The following RGS6 variants were observed in gnomAD, a reference collection of about 807,000 sequenced individuals.
RGS6 encodes regulator of G-protein signaling 6.
In RGS6, 30 loss-of-function variants were observed where a neutral mutation model predicts 78.5. That is an observed-to-expected ratio of 0.38 (90% CI 0.29 to 0.52). RGS6 has a LOEUF of 0.52. RGS6 is among the 20% of genes least tolerant of loss of function. The pLI is 0.85. For missense variants in RGS6, 495 were observed against 609.7 expected (o/e 0.81, Z 1.98); for synonymous variants, 206 against 206.0 (o/e 1.00, Z 0.00).
At chr14:72,575,878 C>T in the RGS6 span, among the ~76,000 whole-genome samples, 4 of 152,332 alleles carry the variant, frequency 2.6e-5, no homozygotes, top group South Asian at 6.2e-4. Flanking sequence ...AGCCCCAGAT[C>T]GACTTGCTTT....
intron 12 of RGS6, among the ~76,000 whole-genome samples, chr14:72,488,937 G>C (rs1247883453): frequency 1.3e-5 from 2 of 152,214 alleles, no homozygotes; most frequent in Non-Finnish European, 2.9e-5. Flanking sequence ...AAGCAAGAGG[G>C]AGGAGGGGAG....
intron 2 of RGS6, among the ~76,000 whole-genome samples, chr14:72,045,497 TC>T (rs993045692): frequency 1.3e-5 from 2 of 152,190 alleles, no homozygotes; most frequent in African/African-American, 4.8e-5. Context: ...TCTTTGGGAT[TC>T]CCTAAGAACT....
chr14:72,619,162 T>A, the RGS6 span: 4 of 852,764 alleles, frequency 4.7e-6, no homozygotes, highest in African/African-American at 3.4e-5. Context: ...GTTCCATGTG[T>A]CCCTGCCCCT....
chr14:72,626,314 C>T, the RGS6 span, among the ~76,000 whole-genome samples: 1 of 152,082 alleles, frequency 6.6e-6, no homozygotes, highest in South Asian at 2.1e-4. Flanking sequence ...CTCCCAGACC[C>T]GTGTAGGTAA....
At position 72,562,423 on chromosome 14, in the gene RGS6, T is replaced by C; in HGVS notation, c.1429T>C (p.Ser477Pro). 1.2e-6 allele frequency: 2 copies of C among 1,612,872 alleles called. No homozygotes were observed. The highest frequency in any genetic ancestry group is 1.7e-6 in the Non-Finnish European group (2 of 1,180,026). The change falls in exon 18 of 18, where the codon TCG (serine) becomes CCG (proline). Residue 477 changes from serine to proline, a missense_variant. Physicochemically the swap from Ser to Pro is moderately conservative, Grantham distance 74. Coordinates refer to ENST00000553525, the MANE Select transcript of RGS6 (RefSeq NM_001204424.2). Reference sequence around the variant, plus strand: ...TGTCGCTGTCTCTCTGCAGGGAAAGTCGCTGGCGGGCAAGCGCCTCACGGG... The same window carrying C: ...TGTCGCTGTCTCTCTGCAGGGAAAGCCGCTGGCGGGCAAGCGCCTCACGGG... ...LEKFTRSVGK[S>P]LAGKRLTGLM...
chr14:72,296,991 A>G (rs1020376831), intron 2 of RGS6, among the ~76,000 whole-genome samples: 6 of 152,160 alleles, frequency 3.9e-5, no homozygotes. Flanking sequence ...TTCTTTTTCC[A>G]CATGGCTATC....
chr14:72,415,547 T>G lies in RGS6; in HGVS notation c.185-38981T>G, dbSNP rs148429470. Among the ~76,000 whole-genome samples the G allele has an allele frequency of 7.9e-3, 1,202 of 152,338 alleles. 42 individuals are homozygous for G. The highest frequency in any genetic ancestry group is 0.052 in the East Asian group (269 of 5,172). On this transcript the variant is annotated intron_variant, in intron 3 of 17. Transcript: ENST00000553525. ...GCACGGTGCGCTGCACCCACTGTCC[T>G]GCACCCACTGTCCAGCACTACCCAG...
chr14:72,395,954 C>G (rs1289097544), intron 3 of RGS6, among the ~76,000 whole-genome samples: 1 of 152,048 alleles, frequency 6.6e-6, no homozygotes, highest in Non-Finnish European at 1.5e-5. Flanking sequence ...TGGCTTGGTT[C>G]CAAGTCTTTG....
At chr14:72,094,254 G>C (rs538968570) in intron 2 of RGS6, among the ~76,000 whole-genome samples, 6 of 152,330 alleles carry the variant, frequency 3.9e-5, no homozygotes, top group African/African-American at 1.4e-4. Flanking sequence ...CCCAGCTGCA[G>C]TGCCTGGAAC....
At chr14:71,918,366 T>C in the RGS6 span, among the ~76,000 whole-genome samples, 1 of 152,206 alleles carries the variant, frequency 6.6e-6, no homozygotes, top group Non-Finnish European at 1.5e-5. Flanking sequence ...AAAGGCTGCA[T>C]TCACCATTTA....
At chr14:71,931,412 T>C (rs917952399), upstream of RGS6, among the ~76,000 whole-genome samples, 4 of 152,130 alleles carry the variant, frequency 2.6e-5, no homozygotes, top group African/African-American at 7.2e-5. Flanking sequence ...TATTTGTCTA[T>C]TGAAGGAAAG....
At chr14:71,894,662 T>G in the RGS6 span, among the ~76,000 whole-genome samples, 1 of 152,178 alleles carries the variant, frequency 6.6e-6, no homozygotes, top group Admixed American at 6.5e-5. Flanking sequence ...ATCACAGTTT[T>G]GAGTGAACTT....
intron 10 of RGS6, among the ~76,000 whole-genome samples, chr14:72,475,850 ACAC>A (rs1451705943): frequency 7.5e-6 from 1 of 134,030 alleles, no homozygotes; most frequent in Non-Finnish European, 1.7e-5. Context: ...ACACACACAC[ACAC>A]TAGACATGGC....
intron 2 of RGS6, among the ~76,000 whole-genome samples, chr14:72,233,149 A>G (rs541013002): frequency 1.3e-5 from 2 of 152,178 alleles, no homozygotes; most frequent in Non-Finnish European, 2.9e-5. Flanking sequence ...CAGGTCCTTC[A>G]TCCTGTCCCA....
At chr14:72,019,489 GCA>G (rs1567032579) in intron 2 of RGS6, among the ~76,000 whole-genome samples, 1 of 152,202 alleles carries the variant, frequency 6.6e-6, no homozygotes. Flanking sequence ...GCAGATGGGT[GCA>G]CCATTAGCAC....
intron 2 of RGS6, among the ~76,000 whole-genome samples, chr14:72,158,790 C>G (rs1467906002): frequency 6.6e-6 from 1 of 152,138 alleles, no homozygotes; most frequent in Non-Finnish European, 1.5e-5. Flanking sequence ...CTTAGGGAAC[C>G]TAAGATTTGG....
At chr14:71,898,392 G>A in the RGS6 span, among the ~76,000 whole-genome samples, 1 of 152,182 alleles carries the variant, frequency 6.6e-6, no homozygotes, top group East Asian at 1.9e-4. Flanking sequence ...AAATCTGGTA[G>A]AAATATATAC....
At chr14:71,983,491 G>A (rs1228803464) in intron 2 of RGS6, among the ~76,000 whole-genome samples, 2 of 152,198 alleles carry the variant, frequency 1.3e-5, no homozygotes, top group African/African-American at 4.8e-5. Flanking sequence ...CAGGAGGATA[G>A]AAATCTGAAA....
intron 2 of RGS6, among the ~76,000 whole-genome samples, chr14:72,236,596 A>G (rs1475000889): frequency 1.3e-5 from 2 of 151,778 alleles, no homozygotes; most frequent in Non-Finnish European, 2.9e-5. Context: ...AGGCAGAAAG[A>G]TCACACACAA....
Sources: gnomAD v4.1 joint callset for allele counts (sites outside exome capture counted in the v4.1 genomes callset) on GRCh38, gnomAD v4.1.1 for gene constraint, MANE v1.5 for transcripts, NCBI Gene and HGNC (gene_info 2026-07-23, HGNC 2026-07-21) for gene names.